FRMD4B: variants seen among roughly 807,000 people sequenced by gnomAD.
The protein encoded by FRMD4B is FERM domain-containing protein 4B.
A neutral mutation model predicts 141.5 loss-of-function variants in FRMD4B; 74 were observed. That is an observed-to-expected ratio of 0.52 (90% CI 0.43 to 0.63). The LOEUF (loss-of-function observed/expected upper bound fraction) is 0.63, where lower values mean the gene tolerates loss of function less well. Among genes scored for constraint, FRMD4B ranks in the 30% least tolerant of loss-of-function variants. The pLI is 0.00. For missense variants in FRMD4B, 1,366 were observed against 1,253.4 expected (o/e 1.09, Z -1.36); for synonymous variants, 506 against 467.9 (o/e 1.08, Z -1.05).
At chr3:69,292,815 CTT>C (rs35818040) in intron 4 of FRMD4B, among the ~76,000 whole-genome samples, 21 of 120,904 alleles carry the variant, frequency 1.7e-4, no homozygotes, top group African/African-American at 2.2e-4. Flanking sequence ...TTTTTTCAGC[CTT>C]TTTTTTTTTT....
intron 2 of FRMD4B, among the ~76,000 whole-genome samples, chr3:69,399,807 A>C (rs1704530038): frequency 6.6e-6 from 1 of 152,182 alleles, no homozygotes; most frequent in African/African-American, 2.4e-5. Context: ...CACCATATTT[A>C]AAATTACCTG....
chr3:69,424,864 T>C (rs1705050881), intron 2 of FRMD4B, among the ~76,000 whole-genome samples: 2 of 152,198 alleles, frequency 1.3e-5, no homozygotes, highest in South Asian at 4.1e-4. Flanking sequence ...GAATGTAAGA[T>C]TCTAAATAAC....
intron 4 of FRMD4B, among the ~76,000 whole-genome samples, chr3:69,298,038 T>A (rs1042494058): frequency 4.6e-5 from 7 of 152,264 alleles, no homozygotes; most frequent in East Asian, 1.9e-4. Flanking sequence ...GCTCCCTCTA[T>A]CCTGGGGGAT....
intron 5 of FRMD4B, among the ~76,000 whole-genome samples, chr3:69,260,277 C>A (rs1242913565): frequency 6.6e-6 from 1 of 152,206 alleles, no homozygotes; most frequent in Admixed American, 6.5e-5. Context: ...GGAGAGGCGC[C>A]AGCGGGAACC....
intron 1 of FRMD4B, among the ~76,000 whole-genome samples, chr3:69,454,671 C>A (rs1705558867): frequency 6.6e-6 from 1 of 152,212 alleles, no homozygotes; most frequent in African/African-American, 2.4e-5. Flanking sequence ...AGCCACCTCC[C>A]CGAGGGGCAG....
chr3:69,362,664 G>A (rs1179670283), intron 1 of FRMD4B, among the ~76,000 whole-genome samples: 1 of 150,514 alleles, frequency 6.6e-6, no homozygotes, highest in East Asian at 1.9e-4. Context: ...GTGACAGAGT[G>A]AGACTCCATC....
At chr3:69,443,099 G>A (rs1270914330) in intron 1 of FRMD4B, among the ~76,000 whole-genome samples, 1 of 152,166 alleles carries the variant, frequency 6.6e-6, no homozygotes, top group Non-Finnish European at 1.5e-5. Flanking sequence ...GGGGCTGGTT[G>A]CCAGAGGAAC....
chr3:69,467,320 C>T lies in FRMD4B; in HGVS notation c.-128-34559G>A, dbSNP rs543902637. Among the ~76,000 whole-genome samples, 5 of 152,220 alleles carry T rather than the reference C, an allele frequency of 3.3e-5. 1 individual carries two copies. The highest frequency in any genetic ancestry group is 7.2e-5 in the African/African-American group (3 of 41,514). On this transcript the variant is annotated intron_variant, in intron 1 of 5. Transcript: ENST00000459638. Reference sequence around the variant, plus strand: ...CTTATTAAGAGAGCTAGCATTTGAGCGGTAACTGGCATGATTTGGACCCAA... The same window carrying T: ...CTTATTAAGAGAGCTAGCATTTGAGTGGTAACTGGCATGATTTGGACCCAA...
chr3:69,282,254 C>A (rs375772232), intron 5 of FRMD4B, among the ~76,000 whole-genome samples: 1 of 152,146 alleles, frequency 6.6e-6, no homozygotes, highest in African/African-American at 2.4e-5. Flanking sequence ...TAGCTGTAGG[C>A]GAAAGCTGTC....
At chr3:69,282,747 C>T (rs1240994135) in intron 5 of FRMD4B, among the ~76,000 whole-genome samples, 1 of 152,098 alleles carries the variant, frequency 6.6e-6, no homozygotes, top group African/African-American at 2.4e-5. Flanking sequence ...AAGCGATTCT[C>T]CTGCCTCAGC....
intron 1 of FRMD4B, among the ~76,000 whole-genome samples, chr3:69,470,890 G>T (rs1705877152): frequency 6.6e-6 from 1 of 152,190 alleles, no homozygotes; most frequent in African/African-American, 2.4e-5. Context: ...GGCTAAATAA[G>T]TAGTAGTAAA....
intron 7 of FRMD4B, among the ~76,000 whole-genome samples, chr3:69,237,357 T>G (rs1299834362): frequency 6.6e-6 from 1 of 152,240 alleles, no homozygotes; most frequent in African/African-American, 2.4e-5. Context: ...CCTTTCTTGA[T>G]CAGACCTTAA....
In FRMD4B at chr3:69,221,714, G is replaced by A. The variant is rs567996761; in HGVS notation, c.731+144C>T. On this transcript the variant is annotated intron_variant, in intron 9 of 22. Coordinates refer to ENST00000398540, the MANE Select transcript of FRMD4B (RefSeq NM_015123.3). ...GGTGACACCAATGTATAGAATGACCGAAGACATTTTCTAATTCACAGTAAG... is the reference window on the plus strand; with the variant it reads ...GGTGACACCAATGTATAGAATGACCAAAGACATTTTCTAATTCACAGTAAG... 49 of 628,592 alleles carry A rather than the reference G, an allele frequency of 7.8e-5. No homozygotes were observed. The South Asian group carries it at 7.9e-4, about 10-fold the overall frequency. The allele number at this position is 628,592 out of a possible 1,614,324, so 38.9% of individuals were successfully genotyped here. A position where few individuals can be genotyped will look rare whatever the true frequency, so the allele number is the denominator to read the frequency against.
chr3:69,201,178 A>G (rs2092962872), intron 11 of FRMD4B, among the ~76,000 whole-genome samples: 1 of 152,216 alleles, frequency 6.6e-6, no homozygotes, highest in South Asian at 2.1e-4. Context: ...TGAAATCTTA[A>G]AAGTTTGTGC....
intron 11 of FRMD4B, among the ~76,000 whole-genome samples, chr3:69,201,437 G>A (rs7620845): frequency 0.8 from 122,354 of 152,022 alleles, 50,830 homozygotes; most frequent in Non-Finnish European, 0.92. Context: ...CAAAATTAAA[G>A]TAATAAAAGT....
intron 2 of FRMD4B, among the ~76,000 whole-genome samples, chr3:69,409,319 C>T (rs1363326552): frequency 6.6e-6 from 1 of 152,184 alleles, no homozygotes; most frequent in Non-Finnish European, 1.5e-5. Context: ...ACATTTCCAA[C>T]AAGAATTCAT....
intron 1 of FRMD4B, among the ~76,000 whole-genome samples, chr3:69,538,827 A>G (rs1468425411): frequency 6.6e-6 from 1 of 151,838 alleles, no homozygotes; most frequent in Non-Finnish European, 1.5e-5. Flanking sequence ...AGAAGAGGAG[A>G]AAAAAAAATC....
intron 4 of FRMD4B, among the ~76,000 whole-genome samples, chr3:69,291,019 G>C (rs1700855394): frequency 6.6e-6 from 1 of 152,182 alleles, no homozygotes; most frequent in Non-Finnish European, 1.5e-5. Flanking sequence ...AACATATATA[G>C]AAGTACGTGT....
chr3:69,203,341 A>AAAAAAAAAAAAAAG (rs1553700373), intron 11 of FRMD4B, among the ~76,000 whole-genome samples: 6 of 77,030 alleles, frequency 7.8e-5, no homozygotes, highest in Non-Finnish European at 1.5e-4. Flanking sequence ...AAAAAAAAAA[A>AAAAAAAAAAAAAAG]AAAGAAAGAA....
Sources: gnomAD v4.1 joint callset for allele counts (sites outside exome capture counted in the v4.1 genomes callset) on GRCh38, gnomAD v4.1.1 for gene constraint, MANE v1.5 for transcripts, NCBI Gene and HGNC (gene_info 2026-07-23, HGNC 2026-07-21) for gene names.